Variants in ZFYVE1 observed in about 807,000 individuals in gnomAD.
ZFYVE1 encodes zinc finger FYVE domain-containing protein 1.
ZFYVE1 carries 30 observed loss-of-function variants against 74.4 expected under a neutral mutation model. That is an observed-to-expected ratio of 0.40 (90% confidence interval 0.30 to 0.55). The LOEUF is 0.55. ZFYVE1 is among the 20% of genes least tolerant of loss of function. ZFYVE1 has a pLI of 0.42. For missense variants in ZFYVE1, 703 were observed against 1,011.6 expected (o/e 0.69, Z 4.14); for synonymous variants, 335 against 385.1 (o/e 0.87, Z 1.52).
chr14:72,989,624 T>TA (rs1211982725), intron 4 of ZFYVE1, among the ~76,000 whole-genome samples: 1 of 152,154 alleles, frequency 6.6e-6, no homozygotes, highest in African/African-American at 2.4e-5. Flanking sequence ...AGGAACCTTT[T>TA]AAAATGGTCC....
chr14:72,998,324 A>AG lies in ZFYVE1; in HGVS notation c.484-10_484-9insC. The AG allele has an allele frequency of 6.6e-7, 1 of 1,505,024 alleles. No homozygotes were observed. The highest frequency in any genetic ancestry group is 8.8e-7 in the Non-Finnish European group (1 of 1,131,134). 93.2% of individuals were successfully genotyped at this position (1,505,024 alleles called of 1,614,324 possible). ...TCTTCTTCATTTGTTACCTGCAAAA[A>AG]AAAAAAAAAAGACCATGAAATACAG... On this transcript the variant is annotated splice_polypyrimidine_tract_variant and intron_variant, in intron 2 of 11. Transcript: ENST00000556143.
chr14:73,011,954 G>A (rs572320098), intron 2 of ZFYVE1, among the ~76,000 whole-genome samples: 3 of 151,700 alleles, frequency 2.0e-5, no homozygotes, highest in East Asian at 1.9e-4. Context: ...GGTGGCTCAC[G>A]CCTGTAATCC....
At chr14:73,010,632 T>C (rs1285822540) in intron 2 of ZFYVE1, among the ~76,000 whole-genome samples, 1 of 149,850 alleles carries the variant, frequency 6.7e-6, no homozygotes, top group East Asian at 2.0e-4. Context: ...TAGCCAGGCA[T>C]GGTGGCACGC....
At position 72,978,869 on chromosome 14, in the gene ZFYVE1, T is replaced by G; in HGVS notation, c.1411A>C (p.Thr471Pro). ...GAGCTCGGAGGACTCACCTTGCAGG[T>G]ATACACTCGGTTGTCATACTGGTGG... The part of the protein sequence containing the change: ...YSHQYDNRVY[T>P]CKACYERGEE... The change falls in exon 6 of 12, where the codon ACC (threonine) becomes CCC (proline). Residue 471 changes from threonine to proline, a missense_variant. Physicochemically the swap from Thr to Pro is conservative, Grantham distance 38 (BLOSUM62 -1). This residue lies in a region of ZFYVE1 where 492 missense variants were observed against 790.0 expected (regional missense o/e 0.62). Transcript: ENST00000556143. 6.2e-7 allele frequency: 1 copy of G among 1,614,054 alleles called. No individual in the cohort carries two copies. Among genetic ancestry groups the G allele is most frequent in the Non-Finnish European group, 8.5e-7 (1 of 1,179,930 alleles).
chr14:72,978,853 G>A lies in ZFYVE1; in HGVS notation c.1419+8C>T, dbSNP rs201779931. On this transcript the variant is annotated splice_region_variant and intron_variant, in intron 6 of 11. Coordinates refer to ENST00000556143, the MANE Select transcript of ZFYVE1 (RefSeq NM_021260.4). ...CTGCTGACACAGGGAGGAGCTCGGA[G>A]GACTCACCTTGCAGGTATACACTCG... 9.3e-5 allele frequency: 150 copies of A among 1,613,202 alleles called. No homozygotes were observed. Among genetic ancestry groups the A allele is most frequent in the Admixed American group, 4.2e-4 (25 of 60,002 alleles).
At chr14:73,002,247 T>G (rs1044819343) in intron 2 of ZFYVE1, among the ~76,000 whole-genome samples, 6 of 143,518 alleles carry the variant, frequency 4.2e-5, no homozygotes, top group African/African-American at 1.5e-4. Flanking sequence ...GCAAGTAGAT[T>G]AGTGGTTGCT....
Position 73,024,292 on chromosome 14 carries a change from G to A in ZFYVE1, c.217C>T (p.Leu73Phe). 6.2e-7 allele frequency: 1 copy of A among 1,614,152 alleles called. No homozygotes were observed. The highest frequency in any genetic ancestry group is 8.5e-7 in the Non-Finnish European group (1 of 1,180,036). ...LKPGHVPYCDLCKGLSGHLPG... is the reference protein window; with the variant it reads ...LKPGHVPYCDFCKGLSGHLPG... ...AAATGCCCACTGAGACCCTTGCAGA[G>A]GTCACAGTAAGGGACATGGCCAGGT... Residue 73 changes from leucine (L) to phenylalanine (F), a missense_variant, in exon 2 of 12, where the codon CTC becomes TTC. This residue lies in a region of ZFYVE1 where 211 missense variants were observed against 221.7 expected (regional missense o/e 0.95). Transcript: ENST00000556143.
chr14:72,969,850 C>CTT lies in ZFYVE1; in HGVS notation c.*1030_*1031dup, dbSNP rs1567341244. 1.5e-6 allele frequency: 1 copy of CTT among 650,750 alleles called. No individual in the cohort carries two copies. The highest frequency in any genetic ancestry group is 2.6e-5 in the Admixed American group (1 of 39,208). 40.3% of individuals were successfully genotyped at this position (650,750 alleles called of 1,614,324 possible). ...CGATCTGTTGAAATATTTATATAGA[C>CTT]TTTTAAAAACAACTAACAGTTCATC... On this transcript the variant is annotated 3_prime_UTR_variant, in exon 12 of 12. Coordinates refer to ENST00000556143, the MANE Select transcript of ZFYVE1 (RefSeq NM_021260.4).
At chr14:72,995,030 A>C (rs778874710) in intron 3 of ZFYVE1, among the ~76,000 whole-genome samples, 5 of 152,214 alleles carry the variant, frequency 3.3e-5, no homozygotes, top group Non-Finnish European at 7.3e-5. Flanking sequence ...TATCGGTGAT[A>C]AAGGTTGAAA....
intron 4 of ZFYVE1, among the ~76,000 whole-genome samples, chr14:72,988,533 A>G (rs1425160434): frequency 1.3e-5 from 2 of 151,400 alleles, no homozygotes; most frequent in African/African-American, 4.8e-5. Flanking sequence ...CGGGCCTGGC[A>G]CAGTGGCTCA....
At position 73,027,042 on chromosome 14, in the gene ZFYVE1, T is replaced by C; in HGVS notation, c.-551A>G. 4 of 398,968 alleles carry C rather than the reference T, an allele frequency of 1.0e-5. No homozygotes were observed. The highest frequency in any genetic ancestry group is 1.8e-5 in the Non-Finnish European group (4 of 226,480). The allele number at this position is 398,968 out of a possible 1,614,324, so 24.7% of individuals were successfully genotyped here. On this transcript the variant is annotated 5_prime_UTR_variant, in exon 1 of 12. Coordinates refer to ENST00000556143, the MANE Select transcript of ZFYVE1 (RefSeq NM_021260.4). ...ATCCTCATCTCCATCTCCGCCACCCTCCTCCTTCGTTGCCTCCCGGGCTTC... is the reference window on the plus strand; with the variant it reads ...ATCCTCATCTCCATCTCCGCCACCCCCCTCCTTCGTTGCCTCCCGGGCTTC...
At position 72,982,091 on chromosome 14, in the gene ZFYVE1, C is replaced by T. The variant is rs118146610; in HGVS notation, c.1204-196G>A. ...CCTTGGAAAGAACCAGCCCATTCCC[C>T]AAGAGGTCAAGATAAGCAAAGTTAC... On this transcript the variant is annotated intron_variant, in intron 4 of 11. Transcript: ENST00000556143. 3.9e-3 allele frequency among the ~76,000 whole-genome samples: 592 copies of T among 152,312 alleles called. 26 individuals are homozygous for T. In the East Asian group the frequency reaches 0.1, roughly 27 times the overall value.
rs767418945 is a variant in ZFYVE1, at chr14:72,975,648, G to A, written c.1709C>T (p.Ser570Leu). ...LLDGMNFMAQ[S>L]VSELSLGPTK... ...GGGTCCAAGGCTAAGCTCGGACACC[G>A]ACTGAGCCATGAAGTTCATCCCGTC... Residue 570 changes from serine (S) to leucine (L), a missense_variant, in exon 9 of 12, where the codon TCG (serine) becomes TTG (leucine). Physicochemically the swap from Ser to Leu is moderately radical, Grantham distance 145 (BLOSUM62 -2). Transcript: ENST00000556143. This position sits in a 1 kb window ranked among gnomAD's most constrained non-coding sequence, Gnocchi z 4.1. 3.7e-6 allele frequency: 6 copies of A among 1,614,192 alleles called. No homozygotes were observed. The highest frequency in any genetic ancestry group is 5.1e-6 in the Non-Finnish European group (6 of 1,180,036).
rs372987053 is a variant in ZFYVE1, at chr14:72,998,984, TAAAA to T, written c.484-673_484-670del. Among the ~76,000 whole-genome samples, 765 of 151,496 alleles carry T rather than the reference TAAAA, an allele frequency of 5.0e-3. 3 individuals carry two copies. The highest frequency in any genetic ancestry group is 0.018 in the African/African-American group (741 of 41,320). On this transcript the variant is annotated intron_variant, in intron 2 of 11. Coordinates refer to ENST00000556143, the MANE Select transcript of ZFYVE1 (RefSeq NM_021260.4). ...TAAAAATTTTAAAATAATAACTAAATAAAAAGAAAAAATAGATAAATTAGACTTG... is the reference window on the plus strand; with the variant it reads ...TAAAAATTTTAAAATAATAACTAAATAGAAAAAATAGATAAATTAGACTTG...
chr14:73,004,475 T>A lies in ZFYVE1; in HGVS notation c.484-6160A>T, dbSNP rs12590455. ...AAATGATGTACTATATATATATATA[T>A]AACTCATATGGGATGGAAAGAAAAC... On this transcript the variant is annotated intron_variant, in intron 2 of 11. Coordinates refer to ENST00000556143, the MANE Select transcript of ZFYVE1 (RefSeq NM_021260.4). 5.5e-3 allele frequency among the ~76,000 whole-genome samples: 837 copies of A among 152,080 alleles called. 15 individuals carry two copies. Among genetic ancestry groups the A allele is most frequent in the East Asian group, 0.048 (246 of 5,176 alleles).
chr14:72,978,263 T>C (rs758012256), intron 6 of ZFYVE1, 29 bp from the exon 7 acceptor site: 2 of 1,605,046 alleles, frequency 1.2e-6, no homozygotes, highest in South Asian at 2.2e-5. Flanking sequence ...TGCTAGCTTA[T>C]TGTTTGTTTT....
chr14:73,023,893 ACTAAAGC>A, intron 2 of ZFYVE1, 126 bp downstream of exon 2: 1 of 1,301,630 alleles, frequency 7.7e-7, no homozygotes, highest in Non-Finnish European at 1.1e-6. Flanking sequence ...ACTCCATGCA[ACTAAAGC>A]CTCCAGAGGT....
In ZFYVE1 at chr14:72,975,172, C is replaced by G; in HGVS notation, c.1807-213G>C. ...CTTTCACTAAGTGTCTGGGTTGAAG[C>G]TGGGTGCTCTCTTGCTCTGGGTGCT... is the stretch of plus-strand genomic sequence containing the variant. On this transcript the variant is annotated intron_variant, in intron 9 of 11. Coordinates refer to ENST00000556143, the MANE Select transcript of ZFYVE1 (RefSeq NM_021260.4). The surrounding 1 kb of genome is among the most constrained non-coding windows in gnomAD (Gnocchi z 4.1). 1.8e-6 allele frequency: 1 copy of G among 565,488 alleles called. No homozygotes were observed. The highest frequency in any genetic ancestry group is 3.0e-6 in the Non-Finnish European group (1 of 331,496). 35.0% of individuals were successfully genotyped at this position (565,488 alleles called of 1,614,324 possible). A position where few individuals can be genotyped will look rare whatever the true frequency, so the allele number is the denominator to read the frequency against.
At chr14:72,991,431 C>T (rs927528451) in intron 4 of ZFYVE1, among the ~76,000 whole-genome samples, 9 of 152,156 alleles carry the variant, frequency 5.9e-5, no homozygotes, top group African/African-American at 1.4e-4. Context: ...CCTCGTGATC[C>T]GCCCGCCTCG....
Sources: allele counts gnomAD v4.1 joint callset (sites outside exome capture counted in the v4.1 genomes callset), GRCh38; gene constraint gnomAD v4.1.1; regional missense constraint gnomAD v4.1.1; non-coding constraint Gnocchi (gnomAD v3.1); transcripts MANE v1.5; gene names NCBI Gene and HGNC (gene_info 2026-07-23, HGNC 2026-07-21).